Variants in CELSR1 observed in about 807,000 individuals in gnomAD.
CELSR1 encodes the protein cadherin EGF LAG seven-pass G-type receptor 1, also known as adhesion G protein-coupled receptor C1.
In CELSR1, 110 loss-of-function variants were observed where a neutral mutation model predicts 249.1. That is an observed-to-expected ratio of 0.44 (90% CI 0.38 to 0.52). The LOEUF is 0.52. Ranked by LOEUF, CELSR1 falls within the 20% of genes least tolerant of loss-of-function variation. The pLI is 0.00. For missense variants in CELSR1, 4,109 were observed against 4,296.4 expected (o/e 0.96, Z 1.22); for synonymous variants, 2,113 against 1,900.0 (o/e 1.11, Z -2.92).
rs117943287 is a variant in CELSR1 at position 46,380,890 on chromosome 22, G to A, written c.7154C>T (p.Pro2385Leu). Reference protein sequence around the residue: ...VSTLVYSEGAPLPRPLERPVL... With the variant: ...VSTLVYSEGALLPRPLERPVL... ...GGGCCTCTCCAGGGGTCTCGGGAGCGGAGCCCCCTCGCTGTACACCAGCGT... is the reference window on the plus strand; with the variant it reads ...GGGCCTCTCCAGGGGTCTCGGGAGCAGAGCCCCCTCGCTGTACACCAGCGT... The change falls in exon 22 of 35, where the codon CCG becomes CTG. Residue 2385 changes from proline (P) to leucine (L), a missense_variant. Around this residue, in one of 7 missense-constraint regions of CELSR1, gnomAD observed 1,805 missense variants for 1,831.6 expected, o/e 0.99. Coordinates refer to ENST00000674500, the MANE Select transcript of CELSR1 (RefSeq NM_001378328.1). The surrounding 1 kb of genome is among the most constrained non-coding windows in gnomAD (Gnocchi z 5.1). The A allele has an allele frequency of 2.8e-4, 447 of 1,613,426 alleles. No homozygotes were observed. The African/African-American group carries it at 4.7e-3, about 17-fold the overall frequency.
chr22:46,481,443 C>G, intron 1 of CELSR1: 1 of 1,578,880 alleles, frequency 6.3e-7, no homozygotes, highest in Non-Finnish European at 8.7e-7. Context: ...TCAACTGAAG[C>G]TCCTTACTCC....
chr22:46,389,380 C>A lies in CELSR1; in HGVS notation c.6465G>T (p.Thr2155=), dbSNP rs778260584. ...TGTLFGNDVR[T]AYQLLGHVLQ... The stretch of plus-strand genomic sequence containing the variant: ...GGACGTGGCCCAGCAGCTGGTAGGC[C>A]GTGCGCACGTCATTGCCAAAGAGCG... Residue 2155 remains threonine (T), a synonymous_variant, in exon 18 of 35, where the codon ACG becomes ACT. Coordinates refer to ENST00000674500, the MANE Select transcript of CELSR1 (RefSeq NM_001378328.1). The A allele has an allele frequency of 1.5e-5, 24 of 1,611,224 alleles. No individual in the cohort carries two copies. Among genetic ancestry groups the A allele is most frequent in the Non-Finnish European group, 1.9e-5 (23 of 1,179,884 alleles).
chr22:46,384,593 T>G lies in CELSR1; in HGVS notation c.6833A>C (p.Glu2278Ala). ...GTCGGCTGGGAAGGAGACGGAGGAC[T>G]CCAGCTCCCTGGGGAACTCTTCATG... Reference protein sequence around the residue: ...TIHEEFPRELESSVSFPADFF... With the variant: ...TIHEEFPRELASSVSFPADFF... The change falls in exon 20 of 35, where the codon GAG (glutamate) becomes GCG (alanine). Residue 2278 changes from glutamate (E) to alanine (A), a missense_variant. Physicochemically the swap from Glu to Ala is moderately radical, Grantham distance 107. Around this residue, in one of 7 missense-constraint regions of CELSR1, gnomAD observed 1,805 missense variants for 1,831.6 expected, o/e 0.99. Transcript: ENST00000674500. The G allele has an allele frequency of 6.2e-7, 1 of 1,613,768 alleles. No homozygotes were observed. Among genetic ancestry groups the G allele is most frequent in the Non-Finnish European group, 8.5e-7 (1 of 1,179,892 alleles).
rs2079092136 is a variant in CELSR1 at position 46,391,576 on chromosome 22, A to G, written c.6148+57T>C. On this transcript the variant is annotated intron_variant, in intron 15 of 34. Transcript: ENST00000674500. The surrounding 1 kb of genome is among the most constrained non-coding windows in gnomAD (Gnocchi z 4.3). ...GCGTGCATGCACACACGTGCACGCC[A>G]GTGCAGCAGCCTGTCCCCGCGCTGT... 3.3e-6 allele frequency: 5 copies of G among 1,497,564 alleles called. No homozygotes were observed. The highest frequency in any genetic ancestry group is 4.4e-6 in the Non-Finnish European group (5 of 1,130,838). The allele number at this position is 1,497,564 out of a possible 1,614,324, so 92.8% of individuals were successfully genotyped here. A position where few individuals can be genotyped will look rare whatever the true frequency, so the allele number is the denominator to read the frequency against.
rs1444131884 is a variant in CELSR1, at chr22:46,374,791, C to T, written c.7585-1734G>A. 3.3e-5 allele frequency among the ~76,000 whole-genome samples: 5 copies of T among 152,174 alleles called. No individual in the cohort carries two copies. Among genetic ancestry groups the T allele is most frequent in the Non-Finnish European group, 2.9e-5 (2 of 68,030 alleles). On this transcript the variant is annotated intron_variant, in intron 24 of 34. Coordinates refer to ENST00000674500, the MANE Select transcript of CELSR1 (RefSeq NM_001378328.1). This position sits in a 1 kb window ranked among gnomAD's most constrained non-coding sequence, Gnocchi z 4.3. ...TCCCAGACCAATGCGCGGATGAGAA[C>T]GTGCCCATTGCGGGGATGCGCCCGG...
rs556623782 is a variant in CELSR1, at chr22:46,454,552, T to G, written c.4183+9155A>C. Among the ~76,000 whole-genome samples, 17 of 152,340 alleles carry G rather than the reference T, an allele frequency of 1.1e-4. No individual in the cohort carries two copies. Among genetic ancestry groups the G allele is most frequent in the Admixed American group, 3.3e-4 (5 of 15,304 alleles). ...AAACCACAGCGAGGTTTCTATTGCATGCGGCTCGTCTTCAGGCCACTTTTC... is the reference window on the plus strand; with the variant it reads ...AAACCACAGCGAGGTTTCTATTGCAGGCGGCTCGTCTTCAGGCCACTTTTC... On this transcript the variant is annotated intron_variant, in intron 2 of 34. Transcript: ENST00000674500. This position sits in a 1 kb window ranked among gnomAD's most constrained non-coding sequence, Gnocchi z 5.1.
intron 2 of CELSR1, among the ~76,000 whole-genome samples, chr22:46,463,506 A>T (rs1441171815): frequency 6.9e-6 from 1 of 145,844 alleles, no homozygotes; most frequent in Non-Finnish European, 1.5e-5. Context: ...ATAGAGTGAG[A>T]TCATCTCAAA....
intron 1 of CELSR1, among the ~76,000 whole-genome samples, chr22:46,524,541 C>CGTGTGTGTGT (rs71192413): frequency 5.1e-5 from 4 of 77,828 alleles, no homozygotes; most frequent in African/African-American, 2.5e-4. Context: ...CCGTTGTGTG[C>CGTGTGTGTGT]GTGTGTGTGT....
rs1036225485 is a variant in CELSR1 at position 46,427,121 on chromosome 22, A to C, written c.4611+6272T>G. ...CATGTATATATGTACACACACACAC[A>C]CCTACACAGACGTCTATGTCCTAGC... On this transcript the variant is annotated intron_variant, in intron 5 of 34. Coordinates refer to ENST00000674500, the MANE Select transcript of CELSR1 (RefSeq NM_001378328.1). This position sits in a 1 kb window ranked among gnomAD's most constrained non-coding sequence, Gnocchi z 4.2. Among the ~76,000 whole-genome samples, 6 of 152,170 alleles carry C rather than the reference A, an allele frequency of 3.9e-5. No homozygotes were observed. The highest frequency in any genetic ancestry group is 1.2e-4 in the African/African-American group (5 of 41,444).
In CELSR1 at chr22:46,500,221, A is replaced by C. The variant is rs930526965; in HGVS notation, c.3544+33406T>G. On this transcript the variant is annotated intron_variant, in intron 1 of 34. Transcript: ENST00000674500. This position sits in a 1 kb window ranked among gnomAD's most constrained non-coding sequence, Gnocchi z 4.9. ...GGTCCTCCCAGCATTGCTCAGCAGGAAAGCTGGGCTCACGGTGTCTGCAGG... is the reference window on the plus strand; with the variant it reads ...GGTCCTCCCAGCATTGCTCAGCAGGCAAGCTGGGCTCACGGTGTCTGCAGG... Among the ~76,000 whole-genome samples the C allele has an allele frequency of 2.0e-5, 3 of 150,516 alleles. No homozygotes were observed. The highest frequency in any genetic ancestry group is 2.0e-4 in the Admixed American group (3 of 15,062).
At chr22:46,397,154 G>C (rs1249616643) in intron 12 of CELSR1, among the ~76,000 whole-genome samples, 1 of 152,052 alleles carries the variant, frequency 6.6e-6, no homozygotes, top group Non-Finnish European at 1.5e-5. Flanking sequence ...CCCAGGCTGA[G>C]GTGCAGTGGC....
rs1293943221 is a variant in CELSR1, at chr22:46,464,179, G to A, written c.3711C>T (p.Thr1237=). ...TGAAGACGAAGACGTCGTCCTTGGTGGTGGACAGCACGGCGGCCACCCCCT... is the reference window on the plus strand; with the variant it reads ...TGAAGACGAAGACGTCGTCCTTGGTAGTGGACAGCACGGCGGCCACCCCCT... ...FVEGVAAVLS[T]TKDDVFVFNV... The change falls in exon 2 of 35, where the codon ACC becomes ACT. Residue 1237 remains threonine, a synonymous_variant. Coordinates refer to ENST00000674500, the MANE Select transcript of CELSR1 (RefSeq NM_001378328.1). The surrounding 1 kb of genome is among the most constrained non-coding windows in gnomAD (Gnocchi z 8.5). 7 of 1,613,616 alleles carry A rather than the reference G, an allele frequency of 4.3e-6. No individual in the cohort carries two copies. Among genetic ancestry groups the A allele is most frequent in the African/African-American group, 1.3e-5 (1 of 74,926 alleles).
intron 5 of CELSR1, among the ~76,000 whole-genome samples, chr22:46,414,639 C>T (rs779507023): frequency 6.1e-5 from 9 of 147,844 alleles, no homozygotes; most frequent in Non-Finnish European, 1.2e-4. Context: ...GGCTAACCGT[C>T]CACTCTGCAG....
chr22:46,520,058 G>C (rs1240818416), intron 1 of CELSR1, among the ~76,000 whole-genome samples: 4 of 151,582 alleles, frequency 2.6e-5, no homozygotes, highest in Non-Finnish European at 5.9e-5. Context: ...TTTTTTAGTA[G>C]AGATGGGGTT....
At chr22:46,387,684 T>G (rs1159741049) in intron 18 of CELSR1, among the ~76,000 whole-genome samples, 1 of 152,102 alleles carries the variant, frequency 6.6e-6, no homozygotes, top group Non-Finnish European at 1.5e-5. Context: ...ATGTGTGATT[T>G]TCATAAATCC....
In CELSR1 at chr22:46,374,470, C is replaced by T. The variant is rs2078895399; in HGVS notation, c.7585-1413G>A. Among the ~76,000 whole-genome samples, 1 of 152,172 alleles carries T rather than the reference C, an allele frequency of 6.6e-6. No individual in the cohort carries two copies. The highest frequency in any genetic ancestry group is 2.4e-5 in the African/African-American group (1 of 41,428). On this transcript the variant is annotated intron_variant, in intron 24 of 34. Coordinates refer to ENST00000674500, the MANE Select transcript of CELSR1 (RefSeq NM_001378328.1). This position sits in a 1 kb window ranked among gnomAD's most constrained non-coding sequence, Gnocchi z 4.3. ...GCGCTCTGAGAGATGAAAAACCTCG[C>T]CCAGAGATAGGATTGTGGGTTTACA...
rs144362014 is a variant in CELSR1 at position 46,408,388 on chromosome 22, G to T, written c.5226+608C>A. ...GTCTTGTCGTCCAGACTGGAGTGTG[G>T]TGACACGTTCTCGGGTCACTGCAAC... On this transcript the variant is annotated intron_variant, in intron 9 of 34. Transcript: ENST00000674500. This position sits in a 1 kb window ranked among gnomAD's most constrained non-coding sequence, Gnocchi z 4.6. Among the ~76,000 whole-genome samples, 128 of 152,266 alleles carry T rather than the reference G, an allele frequency of 8.4e-4. No individual in the cohort carries two copies. Among genetic ancestry groups the T allele is most frequent in the Middle Eastern group, 3.4e-3 (1 of 294 alleles).
rs1448482185 is a variant in CELSR1, at chr22:46,367,167, C to T, written c.8080-49G>A. The T allele has an allele frequency of 3.1e-6, 5 of 1,591,072 alleles. No homozygotes were observed. The East Asian group carries it at 9.0e-5, about 29-fold the overall frequency. On this transcript the variant is annotated intron_variant, in intron 28 of 34. Coordinates refer to ENST00000674500, the MANE Select transcript of CELSR1 (RefSeq NM_001378328.1). ...GCACCTGCTGCTGCCTCCCTAGGCACCTGCCCTTAGGCGCCCCAGCACAGA... is the reference window on the plus strand; with the variant it reads ...GCACCTGCTGCTGCCTCCCTAGGCATCTGCCCTTAGGCGCCCCAGCACAGA...
chr22:46,470,509 T>C (rs2147619423), intron 1 of CELSR1, among the ~76,000 whole-genome samples: 2 of 151,744 alleles, frequency 1.3e-5, no homozygotes, highest in African/African-American at 4.8e-5. Flanking sequence ...AACGATGACA[T>C]AACAGACAGA....
Sources: allele counts gnomAD v4.1 joint callset (sites outside exome capture counted in the v4.1 genomes callset), GRCh38; gene constraint gnomAD v4.1.1; regional missense constraint gnomAD v4.1.1; non-coding constraint Gnocchi (gnomAD v3.1); transcripts MANE v1.5; gene names NCBI Gene and HGNC (gene_info 2026-07-23, HGNC 2026-07-21).